The following ZNF638 variants were observed in gnomAD, a reference collection of about 807,000 sequenced individuals.
The protein encoded by ZNF638 is CTCL tumor antigen se33-1.
Under a neutral mutation model 195.6 loss-of-function variants are expected in ZNF638, and 46 were observed. The ratio of observed to expected loss-of-function variants is 0.24; its 90% confidence interval spans 0.19 to 0.30. The LOEUF (loss-of-function observed/expected upper bound fraction) is 0.30, where lower values mean the gene tolerates loss of function less well. Among genes scored for constraint, ZNF638 ranks in the 10% least tolerant of loss-of-function variants. The pLI is 1.00. For missense variants in ZNF638, 2,440 were observed against 2,325.3 expected (o/e 1.05, Z -1.01); for synonymous variants, 845 against 772.0 (o/e 1.09, Z -1.57).
intron 12 of ZNF638, 44 bp from the exon 13 acceptor site, chr2:71,399,514 AT>A (rs1323022721): frequency 2.3e-5 from 32 of 1,388,108 alleles, no homozygotes; most frequent in Non-Finnish European, 3.2e-5. Context: ...ATGCTAAATG[AT>A]TTAACAAGAC....
intron 26 of ZNF638, 135 bp from the exon 27 acceptor site, chr2:71,433,030 T>G: frequency 4.0e-5 from 28 of 701,732 alleles, no homozygotes; most frequent in East Asian, 7.6e-5. Context: ...GAGGTTGCAG[T>G]GAGCTGACAT....
intron 1 of ZNF638, among the ~76,000 whole-genome samples, chr2:71,337,992 G>A (rs1008591350): frequency 6.6e-6 from 1 of 152,148 alleles, no homozygotes; most frequent in Non-Finnish European, 1.5e-5. Flanking sequence ...ATTAGATGTA[G>A]ATTATATGTC....
intron 8 of ZNF638, among the ~76,000 whole-genome samples, chr2:71,371,008 G>A (rs978129219): frequency 1.3e-5 from 2 of 151,362 alleles, no homozygotes; most frequent in African/African-American, 4.9e-5. Flanking sequence ...ACCATCCTTC[G>A]ACTTTCTGTC....
intron 10 of ZNF638, chr2:71,395,122 T>C (rs2104411354): frequency 1.5e-6 from 1 of 647,184 alleles, no homozygotes; most frequent in South Asian, 1.8e-5. Context: ...GATCTACATG[T>C]CCAACAAACA....
chr2:71,408,331 T>G, intron 20 of ZNF638, 84 bp downstream of exon 20: 1 of 1,462,100 alleles, frequency 6.8e-7, no homozygotes, highest in Non-Finnish European at 9.2e-7. Flanking sequence ...GTCAAACTGT[T>G]TCTGTGTTTA....
Position 71,426,489 on chromosome 2 carries a change from A to C in ZNF638, c.4620A>C (p.Glu1540Asp). ...EEPLFPFNLD[E>D]FVTVDEVIEE... Reference sequence around the variant, plus strand: ...CATTATTTCCATTTAATTTGGATGAATTTGTTACTGTGGATGAGGTTATAG... The same window carrying C: ...CATTATTTCCATTTAATTTGGATGACTTTGTTACTGTGGATGAGGTTATAG... Residue 1540 changes from glutamate (E) to aspartate (D), a missense_variant, in exon 24 of 28, where the codon GAA becomes GAC. Glu to Asp is a conservative substitution (Grantham distance 45). Transcript: ENST00000264447. 6.3e-7 allele frequency: 1 copy of C among 1,582,396 alleles called. No individual in the cohort carries two copies.
intron 7 of ZNF638, among the ~76,000 whole-genome samples, chr2:71,369,121 G>T (rs1182422883): frequency 2.6e-5 from 4 of 152,042 alleles, no homozygotes; most frequent in Non-Finnish European, 5.9e-5. Flanking sequence ...GATCGCCTGA[G>T]ATCAGGAGTT....
intron 2 of ZNF638, among the ~76,000 whole-genome samples, chr2:71,353,000 C>A (rs1473480076): frequency 6.6e-6 from 1 of 152,110 alleles, no homozygotes; most frequent in Non-Finnish European, 1.5e-5. Context: ...TACTAAGTGG[C>A]CAAATGATAG....
chr2:71,344,208 A>G (rs879234174), intron 1 of ZNF638, among the ~76,000 whole-genome samples: 1 of 152,242 alleles, frequency 6.6e-6, no homozygotes, highest in Admixed American at 6.5e-5. Flanking sequence ...ACCCAGAATA[A>G]TTTTCCTATC....
intron 21 of ZNF638, among the ~76,000 whole-genome samples, chr2:71,420,762 ATTTCAAACTGTCT>A (rs1353537073): frequency 2.0e-5 from 3 of 152,196 alleles, no homozygotes; most frequent in African/African-American, 7.2e-5. Flanking sequence ...TTTATTTGAC[ATTTCAAACTGTCT>A]TTTCAAACTA....
intron 11 of ZNF638, among the ~76,000 whole-genome samples, chr2:71,397,514 A>G (rs1378997362): frequency 1.3e-5 from 2 of 152,190 alleles, no homozygotes; most frequent in Non-Finnish European, 2.9e-5. Context: ...ATGATTTTTA[A>G]AAGTATGATT....
At chr2:71,394,985 A>G (rs1322208142) in intron 10 of ZNF638, among the ~76,000 whole-genome samples, 1 of 152,180 alleles carries the variant, frequency 6.6e-6, no homozygotes, top group Non-Finnish European at 1.5e-5. Context: ...TCACCTCTCT[A>G]CCATGGAACC....
chr2:71,332,466 G>C (rs969255251), intron 1 of ZNF638, among the ~76,000 whole-genome samples: 3 of 152,162 alleles, frequency 2.0e-5, no homozygotes, highest in African/African-American at 7.2e-5. Flanking sequence ...CGGCTTTTCC[G>C]GGCTGGTGTT....
chr2:71,342,683 CGT>C (rs3836139), intron 1 of ZNF638, among the ~76,000 whole-genome samples: 72,474 of 151,330 alleles, frequency 0.48, 18,799 homozygotes, highest in Admixed American at 0.61. Flanking sequence ...TTTGTGCGTG[CGT>C]GTGTGTGTGT....
In ZNF638 at chr2:71,433,199, C is replaced by T. The variant is rs770830388; in HGVS notation, c.5787C>T (p.Phe1929=). 6.2e-6 allele frequency: 10 copies of T among 1,614,006 alleles called. No individual in the cohort carries two copies. Among genetic ancestry groups the T allele is most frequent in the Admixed American group, 3.3e-5 (2 of 60,030 alleles). The change falls in exon 27 of 28, where the codon TTC becomes TTT. Residue 1929 remains phenylalanine (F), a synonymous_variant. Transcript: ENST00000264447. ...TTCTTGTACCTAAGGCTGGATTCTT[C>T]TGTCCAATTTGTTCCCTCTTCTACT... ...LDFLVPKAGF[F]CPICSLFYSG... is the part of the protein sequence containing the mutation.
intron 2 of ZNF638, 36 bp from the exon 3 acceptor site, chr2:71,355,683 T>C: frequency 7.5e-7 from 1 of 1,340,940 alleles, no homozygotes. Flanking sequence ...ACATGAGGAA[T>C]ATTCTAATTT....
intron 21 of ZNF638, among the ~76,000 whole-genome samples, chr2:71,421,765 G>A (rs1240541071): frequency 6.6e-6 from 1 of 152,144 alleles, no homozygotes; most frequent in African/African-American, 2.4e-5. Flanking sequence ...CCAATCTGCT[G>A]CTTCTCATTA....
intron 26 of ZNF638, among the ~76,000 whole-genome samples, 194 bp from the exon 27 acceptor site, chr2:71,432,971 T>C (rs1368033739): frequency 6.6e-6 from 1 of 152,160 alleles, no homozygotes; most frequent in African/African-American, 2.4e-5. Context: ...CCTGTAATCC[T>C]AGCTATTCGG....
chr2:71,375,244 G>C (rs1163011917), intron 8 of ZNF638: 1 of 152,122 alleles, frequency 6.6e-6, no homozygotes, highest in African/African-American at 2.4e-5. Context: ...ATTTCATTCA[G>C]TTTCAACTAA....
Sources: allele counts gnomAD v4.1 joint callset (sites outside exome capture counted in the v4.1 genomes callset), GRCh38; gene constraint gnomAD v4.1.1; transcripts MANE v1.5; gene names NCBI Gene and HGNC (gene_info 2026-07-23, HGNC 2026-07-21).